The following ACSL3 variants were observed in gnomAD, a reference collection of about 807,000 sequenced individuals.
ACSL3 encodes the protein acyl-CoA synthetase long chain family member 3.
Under a neutral mutation model 84.7 loss-of-function variants are expected in ACSL3, and 34 were observed. The observed-to-expected ratio is 0.40, with a 90% CI of 0.31 to 0.53. The LOEUF (loss-of-function observed/expected upper bound fraction) is 0.53, where lower values mean the gene tolerates loss of function less well. Among genes scored for constraint, ACSL3 ranks in the 20% least tolerant of loss-of-function variants. The pLI is 0.48. For missense variants in ACSL3, 680 were observed against 873.1 expected, an observed-to-expected ratio of 0.78 and a Z score of 2.79; for synonymous variants, 315 against 299.4, an observed-to-expected ratio of 1.05 and a Z score of -0.54.
chr2:222,880,085 C>G lies in ACSL3; in HGVS notation c.-206-7745C>G, dbSNP rs545474399. 2.6e-5 allele frequency among the ~76,000 whole-genome samples: 4 copies of G among 152,244 alleles called. No homozygotes were observed. In the South Asian group the frequency reaches 8.3e-4, roughly 32 times the overall value. On this transcript the variant is annotated intron_variant, in intron 1 of 16. Transcript: ENST00000357430. ...TTTTACCTGCTGATCTGTGATGTCA[C>G]TATTGCCATATACAAAAGTCCCATG...
chr2:222,902,112 A>G (rs6722420), intron 3 of ACSL3, among the ~76,000 whole-genome samples: 124,611 of 152,078 alleles, frequency 0.82, 51,278 homozygotes, highest in East Asian at 0.97. Context: ...ACAAAATTAG[A>G]TAAGTCTTTT....
intron 1 of ACSL3, among the ~76,000 whole-genome samples, chr2:222,886,779 A>G (rs1428194154): frequency 2.0e-5 from 3 of 152,174 alleles, no homozygotes; most frequent in African/African-American, 4.8e-5. Context: ...GAGCAGTTTT[A>G]GGTGTACAGC....
chr2:222,903,018 GTACTACAAA>G (rs1696191501), intron 3 of ACSL3, among the ~76,000 whole-genome samples: 1 of 151,940 alleles, frequency 6.6e-6, no homozygotes, highest in Admixed American at 6.6e-5. Context: ...TATCAATATG[GTACTACAAA>G]TAGAAGGAAG....
intron 7 of ACSL3, among the ~76,000 whole-genome samples, chr2:222,920,257 G>T (rs947649986): frequency 3.9e-5 from 6 of 152,318 alleles, no homozygotes; most frequent in Non-Finnish European, 7.3e-5. Context: ...TGACTGACAG[G>T]AGAGGAAGGG....
Position 222,942,087 on chromosome 2 carries a change from G to A in ACSL3, c.*433G>A. 1 of 213,228 alleles carries A rather than the reference G, an allele frequency of 4.7e-6. No individual in the cohort carries two copies. The highest frequency in any genetic ancestry group is 9.5e-6 in the Non-Finnish European group (1 of 105,224). The allele number at this position is 213,228 out of a possible 1,614,324, so 13.2% of individuals were successfully genotyped here. A position where few individuals can be genotyped will look rare whatever the true frequency, so the allele number is the denominator to read the frequency against. Reference sequence around the variant, plus strand: ...TACTTACTGTATTTAAAAATACAAGGGTATTGATATGAAATTATGTAAATT... The same window carrying A: ...TACTTACTGTATTTAAAAATACAAGAGTATTGATATGAAATTATGTAAATT... On this transcript the variant is annotated 3_prime_UTR_variant, in exon 17 of 17. Transcript: ENST00000357430.
intron 16 of ACSL3, among the ~76,000 whole-genome samples, chr2:222,936,673 G>A (rs1259469996): frequency 8.4e-6 from 1 of 118,362 alleles, no homozygotes. Context: ...ACATGTATTA[G>A]TCTGTTCTCA....
chr2:222,931,133 TTGCCC>T (rs10607565), intron 14 of ACSL3, among the ~76,000 whole-genome samples: 126,021 of 151,634 alleles, frequency 0.83, 52,662 homozygotes, highest in East Asian at 0.97. Flanking sequence ...CACCCTTGCC[TTGCCC>T]TGCCCAGGAG....
intron 4 of ACSL3, among the ~76,000 whole-genome samples, chr2:222,911,012 T>G (rs1458851223): frequency 6.6e-6 from 1 of 152,196 alleles, no homozygotes; most frequent in Non-Finnish European, 1.5e-5. Flanking sequence ...ATAATGAAGT[T>G]TGCTTTTGTC....
At chr2:222,888,888 G>C (rs1040133292) in intron 2 of ACSL3, among the ~76,000 whole-genome samples, 3 of 152,106 alleles carry the variant, frequency 2.0e-5, no homozygotes, top group Non-Finnish European at 4.4e-5. Context: ...CTTTGTTTTA[G>C]ACATGTCTGT....
At chr2:222,899,873 C>T (rs1696094208) in intron 2 of ACSL3, among the ~76,000 whole-genome samples, 1 of 152,174 alleles carries the variant, frequency 6.6e-6, no homozygotes, top group Non-Finnish European at 1.5e-5. Flanking sequence ...TCTGGACACT[C>T]CCAAGTCTGG....
chr2:222,869,016 A>C (rs553276934), intron 1 of ACSL3, among the ~76,000 whole-genome samples: 2 of 152,254 alleles, frequency 1.3e-5, no homozygotes, highest in East Asian at 3.9e-4. Context: ...ATTTTTTTGA[A>C]ATACGTATAA....
intron 16 of ACSL3, among the ~76,000 whole-genome samples, chr2:222,935,629 C>G (rs1363874224): frequency 6.6e-6 from 1 of 152,112 alleles, no homozygotes; most frequent in African/African-American, 2.4e-5. Flanking sequence ...CTTTGGAAAC[C>G]ACTCCTGAAA....
chr2:222,920,244 T>C (rs1234561499), intron 7 of ACSL3, among the ~76,000 whole-genome samples: 1 of 152,184 alleles, frequency 6.6e-6, no homozygotes, highest in Non-Finnish European at 1.5e-5. Flanking sequence ...AAGAAATGTA[T>C]CTTGACTGAC....
At chr2:222,908,629 T>C (rs1696358510) in intron 3 of ACSL3, 104 bp from the exon 4 acceptor site, 2 of 688,582 alleles carry the variant, frequency 2.9e-6, no homozygotes, top group Non-Finnish European at 4.8e-6. Context: ...GTGTGGTAGC[T>C]GCTGCCTGAT....
chr2:222,928,053 A>G (rs951960538), intron 12 of ACSL3, among the ~76,000 whole-genome samples: 1 of 152,248 alleles, frequency 6.6e-6, no homozygotes, highest in Non-Finnish European at 1.5e-5. Flanking sequence ...AAATTGAATG[A>G]TTAATCAGTA....
intron 11 of ACSL3, among the ~76,000 whole-genome samples, chr2:222,926,287 G>C (rs1405705487): frequency 6.6e-6 from 1 of 152,154 alleles, no homozygotes; most frequent in African/African-American, 2.4e-5. Flanking sequence ...AGGCATCTGA[G>C]GGTTTTGGTA....
At chr2:222,886,754 AGAGTTT>A (rs1445236705) in intron 1 of ACSL3, among the ~76,000 whole-genome samples, 1 of 152,186 alleles carries the variant, frequency 6.6e-6, no homozygotes, top group Non-Finnish European at 1.5e-5. Context: ...TTTTTATAAT[AGAGTTT>A]ATTTTTTAGA....
At chr2:222,887,681 G>A (rs532639953) in intron 1 of ACSL3, 149 bp from the exon 2 acceptor site, 5 of 152,166 alleles carry the variant, frequency 3.3e-5, no homozygotes, top group Non-Finnish European at 5.9e-5. Flanking sequence ...GTTTGCTAGC[G>A]TGATAGGTTG....
chr2:222,862,015 T>G (rs1418295183), intron 1 of ACSL3, among the ~76,000 whole-genome samples: 1 of 152,142 alleles, frequency 6.6e-6, no homozygotes, highest in African/African-American at 2.4e-5. Context: ...CTAGAAAGTG[T>G]GCTCTAAGCT....
Sources: allele counts gnomAD v4.1 joint callset (sites outside exome capture counted in the v4.1 genomes callset), GRCh38; gene constraint gnomAD v4.1.1; transcripts MANE v1.5; gene names NCBI Gene and HGNC (gene_info 2026-07-23, HGNC 2026-07-21).